Variants in RARB observed in about 807,000 individuals in gnomAD.
The protein encoded by RARB is HBV-activated protein.
In RARB, 17 loss-of-function variants were observed where a neutral mutation model predicts 51.9. That is an observed-to-expected ratio of 0.33 (90% CI 0.22 to 0.49). The LOEUF (loss-of-function observed/expected upper bound fraction) is 0.49. Among genes scored for constraint, RARB ranks in the 20% least tolerant of loss-of-function variants. The probability of loss-of-function intolerance (pLI) is 0.99; values close to 1 mark genes in which losing one functional copy is unlikely to be tolerated. For missense variants in RARB, 369 were observed against 550.8 expected (o/e 0.67, Z 3.30); for synonymous variants, 215 against 195.4 (o/e 1.10, Z -0.84).
intron 5 of RARB, among the ~76,000 whole-genome samples, chr3:25,246,953 G>A (rs536003250): frequency 1.3e-5 from 2 of 152,338 alleles, no homozygotes; most frequent in East Asian, 1.9e-4. Context: ...TCTGTCCCAG[G>A]GAGAGGGGAG....
intron 5 of RARB, among the ~76,000 whole-genome samples, chr3:25,205,073 C>A (rs1201574983): frequency 6.6e-6 from 1 of 152,136 alleles, no homozygotes; most frequent in Non-Finnish European, 1.5e-5. Flanking sequence ...TGGGCTCTAC[C>A]CGGTTCGAGC....
At chr3:25,491,499 C>T (rs1241111947) in intron 2 of RARB, among the ~76,000 whole-genome samples, 1 of 152,058 alleles carries the variant, frequency 6.6e-6, no homozygotes, top group Non-Finnish European at 1.5e-5. Context: ...AGAAGAGAGA[C>T]TATCCGAGAC....
intron 7 of RARB, among the ~76,000 whole-genome samples, chr3:25,595,334 G>C (rs1439076254): frequency 6.6e-6 from 1 of 152,170 alleles, no homozygotes; most frequent in Non-Finnish European, 1.5e-5. Context: ...TACTTACTCT[G>C]TCTCTGAAGA....
upstream of RARB, among the ~76,000 whole-genome samples, chr3:25,424,884 A>G (rs1236552733): frequency 6.6e-6 from 1 of 152,162 alleles, no homozygotes; most frequent in African/African-American, 2.4e-5. Context: ...CTGTACGAAA[A>G]CCAGAGAAAC....
At chr3:25,220,316 T>G (rs1172686954) in intron 5 of RARB, among the ~76,000 whole-genome samples, 2 of 152,206 alleles carry the variant, frequency 1.3e-5, no homozygotes, top group African/African-American at 4.8e-5. Context: ...AACTTAGATG[T>G]TGTGTTTTTA....
chr3:25,092,447 T>C (rs937417760), intron 3 of RARB, among the ~76,000 whole-genome samples: 3 of 152,140 alleles, frequency 2.0e-5, no homozygotes, highest in Admixed American at 6.6e-5. Flanking sequence ...CTCAAGATTT[T>C]AGAGGAAATT....
chr3:24,966,646 G>C (rs1052598331), intron 2 of RARB, among the ~76,000 whole-genome samples: 15 of 107,588 alleles, frequency 1.4e-4, no homozygotes, highest in African/African-American at 4.7e-4. Context: ...CTCTCTCTCT[G>C]AAGTCTCTAA....
intron 5 of RARB, among the ~76,000 whole-genome samples, chr3:25,188,631 C>A (rs1045472548): frequency 6.6e-6 from 1 of 152,098 alleles, no homozygotes; most frequent in Non-Finnish European, 1.5e-5. Context: ...CTACCCATGA[C>A]TAAGTCATTC....
intron 3 of RARB, among the ~76,000 whole-genome samples, chr3:25,558,503 C>A (rs1218096171): frequency 6.7e-6 from 1 of 149,698 alleles, no homozygotes; most frequent in African/African-American, 2.5e-5. Flanking sequence ...CAACTACTAG[C>A]AATTCCCAAG....
At chr3:25,245,525 C>T (rs1054913852) in intron 5 of RARB, among the ~76,000 whole-genome samples, 8 of 152,070 alleles carry the variant, frequency 5.3e-5, no homozygotes, top group Non-Finnish European at 8.8e-5. Context: ...TCAGCATTTG[C>T]TTGTCTGTAA....
In RARB at chr3:25,249,065, G is replaced by A. The variant is rs1195403461; in HGVS notation, c.178+74490G>A. Among the ~76,000 whole-genome samples, 4 of 152,030 alleles carry A rather than the reference G, an allele frequency of 2.6e-5. No individual in the cohort carries two copies. The South Asian group carries it at 6.2e-4, about 24-fold the overall frequency. ...TTTCTCTTTGCCTGATGGGACACTG[G>A]AAATTCAAATATTTGGTCACTTTAT... On this transcript the variant is annotated intron_variant, in intron 5 of 11. Transcript: ENST00000383772.
intron 1 of RARB, among the ~76,000 whole-genome samples, chr3:24,849,795 C>G (rs527894587): frequency 6.6e-6 from 1 of 152,310 alleles, no homozygotes; most frequent in East Asian, 1.9e-4. Context: ...GTCAAATATC[C>G]TTGCAGGTGG....
At chr3:25,426,846 T>C (rs1374769561), upstream of RARB, among the ~76,000 whole-genome samples, 1 of 152,198 alleles carries the variant, frequency 6.6e-6, no homozygotes, top group African/African-American at 2.4e-5. Flanking sequence ...CTGGGTTTAT[T>C]TGTAAATACT....
intron 2 of RARB, among the ~76,000 whole-genome samples, chr3:24,947,769 T>A (rs145919668): frequency 6.6e-6 from 1 of 152,222 alleles, no homozygotes; most frequent in East Asian, 1.9e-4. Context: ...AAGACCAGAT[T>A]CTCCAGTCAA....
chr3:25,349,996 A>G (rs1305348534), intron 5 of RARB, among the ~76,000 whole-genome samples: 2 of 152,014 alleles, frequency 1.3e-5, no homozygotes, highest in East Asian at 1.9e-4. Flanking sequence ...CTGTGGTCTC[A>G]CCACATGACT....
Position 25,526,209 on chromosome 3 carries a change from T to C in RARB, c.448+24886T>C, listed in dbSNP as rs912073223. Among the ~76,000 whole-genome samples the C allele has an allele frequency of 6.6e-5, 10 of 152,132 alleles. No homozygotes were observed. In the East Asian group the frequency reaches 1.9e-3, roughly 29 times the overall value. Reference sequence around the variant, plus strand: ...GTTTCCTGGGCTGGAATAAGTCTTCTGGGAACCCAAATGAAAGAAGACTGC... The same window carrying C: ...GTTTCCTGGGCTGGAATAAGTCTTCCGGGAACCCAAATGAAAGAAGACTGC... On this transcript the variant is annotated intron_variant, in intron 3 of 7. Coordinates refer to ENST00000330688, the MANE Select transcript of RARB (RefSeq NM_000965.5).
intron 3 of RARB, among the ~76,000 whole-genome samples, chr3:25,066,604 AACACAC>A (rs5847340): frequency 0.033 from 4,915 of 146,796 alleles, 228 homozygotes; most frequent in African/African-American, 0.11. Context: ...CGCACACATA[AACACAC>A]ACACACACAC....
chr3:25,129,918 A>G (rs1012350796), intron 3 of RARB, among the ~76,000 whole-genome samples: 3 of 152,116 alleles, frequency 2.0e-5, no homozygotes, highest in African/African-American at 2.4e-5. Flanking sequence ...ACAGGATTTC[A>G]TTTCAGAAGC....
rs1049350074 is a variant in RARB at position 25,036,502 on chromosome 3, A to G, written c.-379-23623A>G. ...CTTTAAGTCTTCATTTTTTTTCAGCATTATTTATTGATGGCCTACTGTGTG... is the reference window on the plus strand; with the variant it reads ...CTTTAAGTCTTCATTTTTTTTCAGCGTTATTTATTGATGGCCTACTGTGTG... On this transcript the variant is annotated intron_variant, in intron 2 of 11. Coordinates refer to the RARB transcript ENST00000383772. Among the ~76,000 whole-genome samples the G allele has an allele frequency of 3.9e-5, 6 of 152,224 alleles. No individual in the cohort carries two copies. In the East Asian group the frequency reaches 1.2e-3, roughly 29 times the overall value.
Sources: gnomAD v4.1 joint callset for allele counts (sites outside exome capture counted in the v4.1 genomes callset) on GRCh38, gnomAD v4.1.1 for gene constraint, MANE v1.5 for transcripts, NCBI Gene and HGNC (gene_info 2026-07-23, HGNC 2026-07-21) for gene names.